The following DAAM1 variants were observed in gnomAD, a reference collection of about 807,000 sequenced individuals.
The protein encoded by DAAM1 is dishevelled associated activator of morphogenesis 1.
In DAAM1, 52 loss-of-function variants were observed where a neutral mutation model predicts 130.0. The observed-to-expected ratio is 0.40, with a 90% confidence interval of 0.32 to 0.50. DAAM1 has a LOEUF of 0.50. DAAM1 is among the 20% of genes least tolerant of loss of function. DAAM1 has a pLI of 0.61. For missense variants in DAAM1, 1,134 were observed against 1,303.8 expected, an observed-to-expected ratio of 0.87 and a Z score of 2.01; for synonymous variants, 452 against 444.5, an observed-to-expected ratio of 1.02 and a Z score of -0.21.
Position 59,352,607 on chromosome 14 carries a change from G to T in DAAM1, c.2242G>T (p.Asp748Tyr). Reference protein sequence around the residue: ...KHELDRMAKADRFLFEMSRIN... With the variant: ...KHELDRMAKAYRFLFEMSRIN... ...CGAACTGGATCGGATGGCCAAGGCT[G>T]ATAGGTTCCTTTTTGAGATGAGCCG... Residue 748 changes from aspartate (D) to tyrosine (Y), a missense_variant, in exon 18 of 25, where the codon GAT becomes TAT. Physicochemically the swap from Asp to Tyr is radical, Grantham distance 160. Coordinates refer to ENST00000360909, the MANE Select transcript of DAAM1 (RefSeq NM_001270520.2). 1 of 1,613,154 alleles carries T rather than the reference G, an allele frequency of 6.2e-7. No individual in the cohort carries two copies.
At chr14:59,330,830 C>A in intron 13 of DAAM1, 142 bp downstream of exon 13, 1 of 885,140 alleles carries the variant, frequency 1.1e-6, no homozygotes, top group Non-Finnish European at 1.7e-6. Context: ...GACTCACTCC[C>A]TCTGCTATCA....
chr14:59,192,340 T>A (rs1288669221), intron 1 of DAAM1, among the ~76,000 whole-genome samples: 1 of 152,100 alleles, frequency 6.6e-6, no homozygotes, highest in Non-Finnish European at 1.5e-5. Context: ...AAACTTGAGG[T>A]CTTGTGTGAA....
chr14:59,269,645 G>A (rs1437185689), intron 2 of DAAM1, among the ~76,000 whole-genome samples: 1 of 152,144 alleles, frequency 6.6e-6, no homozygotes, highest in African/African-American at 2.4e-5. Flanking sequence ...GGGGAAGGAG[G>A]GTGCTGTTCA....
At chr14:59,287,373 T>C (rs1876878652) in intron 2 of DAAM1, among the ~76,000 whole-genome samples, 1 of 152,156 alleles carries the variant, frequency 6.6e-6, no homozygotes. Context: ...AGAACTAGAA[T>C]AAGACAAGTA....
At chr14:59,190,841 G>T (rs1318072075) in intron 1 of DAAM1, among the ~76,000 whole-genome samples, 1 of 152,138 alleles carries the variant, frequency 6.6e-6, no homozygotes, top group African/African-American at 2.4e-5. Flanking sequence ...TGAAGTTAAG[G>T]GTTTAAACTT....
chr14:59,272,024 A>G (rs528842376), intron 2 of DAAM1, among the ~76,000 whole-genome samples: 2 of 152,234 alleles, frequency 1.3e-5, no homozygotes, highest in South Asian at 2.1e-4. Context: ...TTATTAGAGT[A>G]TAAAGGATTG....
At chr14:59,278,813 A>G (rs1883085342) in intron 2 of DAAM1, among the ~76,000 whole-genome samples, 1 of 152,192 alleles carries the variant, frequency 6.6e-6, no homozygotes, top group Non-Finnish European at 1.5e-5. Context: ...TGTGTCTGAA[A>G]CTGTAACATT....
intron 16 of DAAM1, among the ~76,000 whole-genome samples, chr14:59,341,583 C>A (rs923428344): frequency 1.3e-5 from 2 of 152,036 alleles, no homozygotes; most frequent in Non-Finnish European, 2.9e-5. Context: ...TTAAACTTTA[C>A]CCTAGGTATG....
At chr14:59,204,776 A>G (rs1376624251) in intron 1 of DAAM1, among the ~76,000 whole-genome samples, 1 of 152,258 alleles carries the variant, frequency 6.6e-6, no homozygotes, top group African/African-American at 2.4e-5. Flanking sequence ...TCATGCCTGT[A>G]ATTCCAGCAC....
chr14:59,337,002 T>G (rs1310693126), intron 15 of DAAM1, among the ~76,000 whole-genome samples: 1 of 152,172 alleles, frequency 6.6e-6, no homozygotes, highest in Non-Finnish European at 1.5e-5. Context: ...TCCACAGGCC[T>G]CTACACTAGA....
At chr14:59,192,745 G>A (rs1887768951) in intron 1 of DAAM1, among the ~76,000 whole-genome samples, 1 of 152,198 alleles carries the variant, frequency 6.6e-6, no homozygotes, top group Admixed American at 6.5e-5. Flanking sequence ...AGCATCTGTT[G>A]TAGTGGTTTC....
chr14:59,220,651 T>G (rs1348947187), intron 1 of DAAM1, among the ~76,000 whole-genome samples: 1 of 152,152 alleles, frequency 6.6e-6, no homozygotes, highest in Non-Finnish European at 1.5e-5. Flanking sequence ...GTAATTTAGC[T>G]GGGTCTAAAG....
chr14:59,332,767 G>A (rs1277067353), intron 15 of DAAM1, among the ~76,000 whole-genome samples: 1 of 152,174 alleles, frequency 6.6e-6, no homozygotes. Context: ...CTTGAGAAGA[G>A]AAAACTTGAG....
intron 18 of DAAM1, 117 bp downstream of exon 18, chr14:59,352,749 T>G (rs1006870883): frequency 1.0e-5 from 9 of 873,072 alleles, no homozygotes; most frequent in African/African-American, 1.7e-5. Flanking sequence ...GAAAGCTTTT[T>G]CATTCTAAAA....
At position 59,371,395 on chromosome 14, in the gene DAAM1, T is replaced by C. The variant is rs1046811133; in HGVS notation, c.*2536T>C. The C allele has an allele frequency of 1.4e-4, 21 of 152,284 alleles. 1 individual carries two copies. The highest frequency in any genetic ancestry group is 5.1e-4 in the African/African-American group (21 of 41,560). 9.4% of individuals were successfully genotyped at this position (152,284 alleles called of 1,614,324 possible). ...AATATGCAATAAAGAGATGAATTCATTGGGTGTACATATATGCTTTCTATG... is the reference window on the plus strand; with the variant it reads ...AATATGCAATAAAGAGATGAATTCACTGGGTGTACATATATGCTTTCTATG... On this transcript the variant is annotated 3_prime_UTR_variant, in exon 25 of 25. Coordinates refer to ENST00000360909, the MANE Select transcript of DAAM1 (RefSeq NM_001270520.2).
intron 1 of DAAM1, among the ~76,000 whole-genome samples, chr14:59,209,465 T>TC (rs775340786): frequency 2.4e-4 from 36 of 152,352 alleles, no homozygotes; most frequent in Admixed American, 1.2e-3. Context: ...TGGTTCCACT[T>TC]GCAGTTTTTT....
chr14:59,217,947 T>G (rs979220742), intron 1 of DAAM1, among the ~76,000 whole-genome samples: 2 of 149,648 alleles, frequency 1.3e-5, no homozygotes, highest in African/African-American at 4.9e-5. Context: ...CACTCCAGCC[T>G]GGGCGACAGA....
chr14:59,369,111 G>A lies in DAAM1; in HGVS notation c.*252G>A, dbSNP rs891491507. ...TAATGTATGTGCTCCAAAACCTTTC[G>A]TGTATGCATTCACATTGAGTGTGGC... On this transcript the variant is annotated 3_prime_UTR_variant, in exon 25 of 25. Transcript: ENST00000360909. 346 of 387,350 alleles carry A rather than the reference G, an allele frequency of 8.9e-4. No individual in the cohort carries two copies. The highest frequency in any genetic ancestry group is 1.2e-3 in the Non-Finnish European group (257 of 214,246). The allele number at this position is 387,350 out of a possible 1,614,324, so 24.0% of individuals were successfully genotyped here.
chr14:59,194,143 G>C (rs1408667643), intron 1 of DAAM1, among the ~76,000 whole-genome samples: 5 of 110,942 alleles, frequency 4.5e-5, no homozygotes, highest in African/African-American at 1.5e-4. Context: ...GATGTTGCCT[G>C]GTTTCTGACT....
Sources: allele counts gnomAD v4.1 joint callset (sites outside exome capture counted in the v4.1 genomes callset), GRCh38; gene constraint gnomAD v4.1.1; transcripts MANE v1.5; gene names NCBI Gene and HGNC (gene_info 2026-07-23, HGNC 2026-07-21).